The following DGKB variants were observed in gnomAD, a reference collection of about 807,000 sequenced individuals.
DGKB encodes the protein diacylglycerol kinase beta, also known as 90 kDa diacylglycerol kinase.
A neutral mutation model predicts 114.3 loss-of-function variants in DGKB; 67 were observed. The observed-to-expected ratio is 0.59, with a 90% confidence interval of 0.48 to 0.72. The LOEUF (loss-of-function observed/expected upper bound fraction) is 0.72. Among genes scored for constraint, DGKB ranks in the 30% least tolerant of loss-of-function variants. DGKB has a pLI of 0.00. For synonymous variants in DGKB, 398 were observed against 323.1 expected, an observed-to-expected ratio of 1.23 and a Z score of -2.49; for missense variants, 907 against 975.2, an observed-to-expected ratio of 0.93 and a Z score of 0.93.
At chr7:14,261,237 C>G (rs1489935971) in intron 23 of DGKB, among the ~76,000 whole-genome samples, 1 of 148,270 alleles carries the variant, frequency 6.7e-6, no homozygotes, top group Non-Finnish European at 1.5e-5. Context: ...AAAAATCTGT[C>G]ATTTCAGTGA....
chr7:14,153,890 T>C (rs536944852), intron 25 of DGKB, among the ~76,000 whole-genome samples: 5 of 152,218 alleles, frequency 3.3e-5, no homozygotes, highest in African/African-American at 1.2e-4. Flanking sequence ...GAGAACTCTA[T>C]ACTTAGTCAA....
intron 21 of DGKB, among the ~76,000 whole-genome samples, chr7:14,432,922 G>A (rs972135711): frequency 2.6e-5 from 4 of 152,140 alleles, no homozygotes; most frequent in Non-Finnish European, 5.9e-5. Context: ...TGAAGGCCTA[G>A]AAACCTAGGG....
chr7:14,965,906 T>C (rs1429696232), intron 1 of DGKB, among the ~76,000 whole-genome samples: 1 of 152,120 alleles, frequency 6.6e-6, no homozygotes. Flanking sequence ...TTTCATTACA[T>C]TTTTGTACAT....
chr7:14,885,209 G>A (rs1854845234), intron 1 of DGKB, among the ~76,000 whole-genome samples: 1 of 151,774 alleles, frequency 6.6e-6, no homozygotes, highest in South Asian at 2.1e-4. Context: ...GTAACTGAAG[G>A]GATTGCTAAC....
At chr7:14,503,493 T>A (rs1320911949) in intron 20 of DGKB, among the ~76,000 whole-genome samples, 1 of 152,186 alleles carries the variant, frequency 6.6e-6, no homozygotes, top group Non-Finnish European at 1.5e-5. Context: ...TTACTTAATA[T>A]AAAATGTTAA....
intron 25 of DGKB, among the ~76,000 whole-genome samples, chr7:14,166,709 A>T (rs967146962): frequency 8.6e-5 from 13 of 152,010 alleles, no homozygotes; most frequent in Non-Finnish European, 1.8e-4. Context: ...GAAGACCAGA[A>T]CATGAAGTGC....
chr7:14,453,555 A>G (rs1374237601), intron 21 of DGKB, among the ~76,000 whole-genome samples: 2 of 152,148 alleles, frequency 1.3e-5, no homozygotes, highest in South Asian at 2.1e-4. Flanking sequence ...ATTTCTAACC[A>G]TCTCCATTGT....
At chr7:14,896,488 A>C (rs901913090) in intron 1 of DGKB, among the ~76,000 whole-genome samples, 1 of 151,728 alleles carries the variant, frequency 6.6e-6, no homozygotes, top group African/African-American at 2.4e-5. Context: ...TTATTAATAT[A>C]AAACTAAGGA....
At chr7:14,318,966 G>T (rs1482927301) in intron 23 of DGKB, among the ~76,000 whole-genome samples, 1 of 152,128 alleles carries the variant, frequency 6.6e-6, no homozygotes, top group East Asian at 1.9e-4. Context: ...CATAAAAAAT[G>T]ATGCGTTCAT....
intron 23 of DGKB, among the ~76,000 whole-genome samples, chr7:14,220,468 CTA>C (rs146985407): frequency 4.0e-5 from 6 of 149,470 alleles, no homozygotes; most frequent in African/African-American, 4.9e-5. Context: ...CAATTCTATG[CTA>C]TATATATATA....
At chr7:14,156,694 A>G (rs1375577664) in intron 25 of DGKB, among the ~76,000 whole-genome samples, 1 of 152,212 alleles carries the variant, frequency 6.6e-6, no homozygotes, top group Admixed American at 6.5e-5. Context: ...AATTAAATTC[A>G]GAATTATGAG....
intron 23 of DGKB, among the ~76,000 whole-genome samples, chr7:14,181,242 G>A (rs750414902): frequency 1.3e-5 from 2 of 152,060 alleles, no homozygotes; most frequent in Non-Finnish European, 2.9e-5. Context: ...TTTACTATGT[G>A]GACCTTTAGA....
rs1469061021 is a variant in DGKB, at chr7:14,746,718, T to C, written c.168+7210A>G. Among the ~76,000 whole-genome samples the C allele has an allele frequency of 3.3e-5, 5 of 152,192 alleles. No homozygotes were observed. The East Asian group carries it at 7.8e-4, about 24-fold the overall frequency. ...TTCACCATGTGGGCCAGGCTGGTCA[T>C]GAACTCCTAACCTCAGGTGATCCAT... On this transcript the variant is annotated intron_variant, in intron 4 of 25. Coordinates refer to ENST00000402815, the MANE Select transcript of DGKB (RefSeq NM_001350709.2).
At chr7:14,767,793 T>A (rs192354978) in intron 2 of DGKB, among the ~76,000 whole-genome samples, 1 of 152,008 alleles carries the variant, frequency 6.6e-6, no homozygotes, top group Admixed American at 6.6e-5. Flanking sequence ...CATTTTTGAA[T>A]GTGTACATTA....
intron 21 of DGKB, among the ~76,000 whole-genome samples, chr7:14,349,205 T>C (rs961144203): frequency 1.3e-5 from 2 of 151,940 alleles, no homozygotes; most frequent in African/African-American, 4.8e-5. Flanking sequence ...ATAAATGAGG[T>C]AGAATCAATA....
chr7:14,473,762 G>A (rs2195751), intron 21 of DGKB, among the ~76,000 whole-genome samples: 1,856 of 152,322 alleles, frequency 0.012, 15 homozygotes, highest in Non-Finnish European at 0.02. Context: ...GTGAGACATA[G>A]AGTCAAAAGG....
At chr7:14,437,931 C>A (rs1031576609) in intron 21 of DGKB, among the ~76,000 whole-genome samples, 2 of 151,556 alleles carry the variant, frequency 1.3e-5, no homozygotes, top group African/African-American at 2.4e-5. Flanking sequence ...AATATTTTTT[C>A]TTTAGCATAG....
chr7:14,689,549 G>C (rs1297414746), intron 9 of DGKB, among the ~76,000 whole-genome samples: 2 of 152,116 alleles, frequency 1.3e-5, no homozygotes, highest in Non-Finnish European at 2.9e-5. Context: ...TTAAAATTCT[G>C]AGTGGAGCTG....
At chr7:14,540,260 C>A (rs1433935632) in intron 20 of DGKB, among the ~76,000 whole-genome samples, 2 of 152,056 alleles carry the variant, frequency 1.3e-5, no homozygotes, top group Non-Finnish European at 2.9e-5. Context: ...TATAAAGATG[C>A]AATTTTAATG....
Sources: allele counts gnomAD v4.1 joint callset (sites outside exome capture counted in the v4.1 genomes callset), GRCh38; gene constraint gnomAD v4.1.1; transcripts MANE v1.5; gene names NCBI Gene and HGNC (gene_info 2026-07-23, HGNC 2026-07-21).